DLG2: variants seen among roughly 807,000 people sequenced by gnomAD.
DLG2 encodes the protein disks large homolog 2.
In DLG2, 45 loss-of-function variants were observed where a neutral mutation model predicts 132.5. The observed-to-expected ratio is 0.34, with a 90% confidence interval of 0.27 to 0.44. DLG2 has a LOEUF of 0.44. DLG2 is among the 20% of genes least tolerant of loss of function. The pLI, the probability that DLG2 is intolerant of heterozygous loss-of-function variation, is 1.00. For synonymous variants in DLG2, 424 were observed against 419.6 expected (o/e 1.01, Z -0.13); for missense variants, 1,045 against 1,196.9 (o/e 0.87, Z 1.87).
chr11:83,670,570 A>C (rs2076666588), intron 18 of DLG2, among the ~76,000 whole-genome samples: 2 of 152,116 alleles, frequency 1.3e-5, no homozygotes, highest in Non-Finnish European at 2.9e-5. Flanking sequence ...AAGATGTAAG[A>C]AAATTCATTG....
chr11:85,278,150 T>C (rs2078007254), intron 4 of DLG2, among the ~76,000 whole-genome samples: 1 of 152,210 alleles, frequency 6.6e-6, no homozygotes, highest in African/African-American at 2.4e-5. Flanking sequence ...GGTGATGGGA[T>C]GTCAGACACA....
chr11:83,529,741 G>A (rs1467761846), intron 21 of DLG2, among the ~76,000 whole-genome samples: 5 of 152,086 alleles, frequency 3.3e-5, no homozygotes, highest in African/African-American at 1.2e-4. Context: ...GAACAACAGT[G>A]ACTTAGTAGT....
chr11:83,829,463 C>T (rs1481376087), intron 17 of DLG2, among the ~76,000 whole-genome samples: 1 of 152,162 alleles, frequency 6.6e-6, no homozygotes, highest in East Asian at 1.9e-4. Context: ...TCCCAAAGTG[C>T]TGGGATTATA....
At chr11:83,737,797 G>GA (rs529698333) in intron 18 of DLG2, among the ~76,000 whole-genome samples, 18 of 152,198 alleles carry the variant, frequency 1.2e-4, no homozygotes, top group African/African-American at 3.1e-4. Flanking sequence ...ACTAAAAATA[G>GA]AAAAAATTAG....
At chr11:85,073,567 C>A (rs186983504) in intron 6 of DLG2, among the ~76,000 whole-genome samples, 9 of 151,936 alleles carry the variant, frequency 5.9e-5, no homozygotes, top group Non-Finnish European at 2.9e-5. Context: ...CAGCCTTTCA[C>A]TAGTACCACC....
chr11:84,926,682 A>ATACTATAGG (rs1290404700), intron 6 of DLG2, among the ~76,000 whole-genome samples: 92 of 151,814 alleles, frequency 6.1e-4, no homozygotes, highest in African/African-American at 2.2e-3. Context: ...TTATACCTCT[A>ATACTATAGG]TACTATAGGA....
chr11:85,399,694 T>A (rs1039273413), intron 3 of DLG2, among the ~76,000 whole-genome samples: 2 of 152,160 alleles, frequency 1.3e-5, no homozygotes, highest in African/African-American at 4.8e-5. Context: ...GATTCCCTAT[T>A]TAATAAATGG....
At chr11:84,534,504 T>C in intron 7 of DLG2, 66 bp downstream of exon 7, 1 of 1,504,134 alleles carries the variant, frequency 6.6e-7, no homozygotes, top group South Asian at 1.2e-5. Flanking sequence ...CCAGCAAACA[T>C]CTCCATTAGC....
intron 21 of DLG2, among the ~76,000 whole-genome samples, chr11:83,496,031 A>C (rs1002995511): frequency 3.3e-5 from 5 of 152,124 alleles, no homozygotes; most frequent in Non-Finnish European, 5.9e-5. Context: ...TCATTTAAAA[A>C]ATGAAAAGAC....
intron 6 of DLG2, among the ~76,000 whole-genome samples, chr11:84,913,790 A>G (rs1156239241): frequency 6.6e-6 from 1 of 152,240 alleles, no homozygotes; most frequent in African/African-American, 2.4e-5. Context: ...TGTTAAAAAC[A>G]TTGAAAAATA....
intron 19 of DLG2, among the ~76,000 whole-genome samples, chr11:83,548,003 T>A (rs560251637): frequency 3.3e-5 from 5 of 152,256 alleles, no homozygotes; most frequent in African/African-American, 7.2e-5. Flanking sequence ...AAGCTTTAAA[T>A]ACTTCTTATG....
chr11:85,524,503 A>AT (rs111886786), intron 3 of DLG2, among the ~76,000 whole-genome samples: 25,345 of 152,010 alleles, frequency 0.17, 2,383 homozygotes, highest in East Asian at 0.31. Flanking sequence ...ATTTTATTTC[A>AT]TTTTTTTGAG....
intron 15 of DLG2, among the ~76,000 whole-genome samples, chr11:83,913,320 C>G (rs2076380621): frequency 6.6e-6 from 1 of 152,016 alleles, no homozygotes; most frequent in South Asian, 2.1e-4. Context: ...TCACCAAATA[C>G]AGGGCTCTTA....
At chr11:83,644,769 G>T (rs998419963) in intron 18 of DLG2, among the ~76,000 whole-genome samples, 2 of 151,986 alleles carry the variant, frequency 1.3e-5, no homozygotes, top group African/African-American at 4.8e-5. Context: ...CTAAAAAATT[G>T]TTCCCCTAAT....
intron 6 of DLG2, among the ~76,000 whole-genome samples, chr11:85,080,788 C>A (rs1368760598): frequency 6.6e-6 from 1 of 152,086 alleles, no homozygotes; most frequent in Non-Finnish European, 1.5e-5. Context: ...AATCATCAAG[C>A]TGGAGGTGGT....
At chr11:85,494,833 G>A (rs2093635719) in intron 3 of DLG2, among the ~76,000 whole-genome samples, 2 of 151,448 alleles carry the variant, frequency 1.3e-5, no homozygotes, top group South Asian at 4.1e-4. Context: ...ACATTAGATT[G>A]TAGAATATTT....
intron 3 of DLG2, among the ~76,000 whole-genome samples, chr11:85,536,963 C>T (rs1477024474): frequency 6.6e-6 from 1 of 152,166 alleles, no homozygotes; most frequent in Non-Finnish European, 1.5e-5. Flanking sequence ...CAGGTGGGGA[C>T]TTGGAGAACT....
At chr11:83,599,541 G>A (rs1436870568) in intron 19 of DLG2, among the ~76,000 whole-genome samples, 1 of 152,132 alleles carries the variant, frequency 6.6e-6, no homozygotes, top group Admixed American at 6.6e-5. Context: ...CCCTTCCTTT[G>A]TCAATTCCCT....
chr11:83,584,401 G>A (rs2097044523), intron 19 of DLG2, among the ~76,000 whole-genome samples: 1 of 152,156 alleles, frequency 6.6e-6, no homozygotes, highest in African/African-American at 2.4e-5. Flanking sequence ...TACTCTAAAT[G>A]TCATGAACTC....
Sources: allele counts gnomAD v4.1 joint callset (sites outside exome capture counted in the v4.1 genomes callset), GRCh38; gene constraint gnomAD v4.1.1; transcripts MANE v1.5; gene names NCBI Gene and HGNC (gene_info 2026-07-23, HGNC 2026-07-21).